CACNA1I: variants seen among roughly 807,000 people sequenced by gnomAD.
The protein encoded by CACNA1I is calcium voltage-gated channel subunit alpha1 I.
CACNA1I carries 74 observed loss-of-function variants against 201.6 expected under a neutral mutation model. The ratio of observed to expected loss-of-function variants is 0.37; its 90% confidence interval spans 0.30 to 0.45. The LOEUF (loss-of-function observed/expected upper bound fraction) is 0.45. Among genes scored for constraint, CACNA1I ranks in the 20% least tolerant of loss-of-function variants. The pLI is 1.00. For synonymous variants in CACNA1I, 1,431 were observed against 1,345.2 expected, an observed-to-expected ratio of 1.06 and a Z score of -1.40; for missense variants, 2,346 against 3,138.1, an observed-to-expected ratio of 0.75 and a Z score of 6.03.
rs1291252515 is a variant in CACNA1I at position 39,685,658 on chromosome 22, G to A, written c.6028-103G>A. On this transcript the variant is annotated intron_variant, in intron 36 of 36. Transcript: ENST00000402142. This position sits in a 1 kb window ranked among gnomAD's most constrained non-coding sequence, Gnocchi z 5.0. Reference sequence around the variant, plus strand: ...AGCCCTGCTCCGAAGGGAGCTCCTTGGATGGGGTCTGCCTGCTGCCTGCTG... The same window carrying A: ...AGCCCTGCTCCGAAGGGAGCTCCTTAGATGGGGTCTGCCTGCTGCCTGCTG... 2.0e-6 allele frequency: 2 copies of A among 1,013,966 alleles called. No individual in the cohort carries two copies. Among genetic ancestry groups the A allele is most frequent in the Non-Finnish European group, 1.3e-6 (1 of 751,430 alleles). 62.8% of individuals were successfully genotyped at this position (1,013,966 alleles called of 1,614,324 possible).
intron 4 of CACNA1I, among the ~76,000 whole-genome samples, chr22:39,632,315 G>C (rs1934087644): frequency 6.6e-6 from 1 of 152,140 alleles, no homozygotes; most frequent in Non-Finnish European, 1.5e-5. Flanking sequence ...GCTCAGAGCT[G>C]ATCGAGGGTT....
intron 3 of CACNA1I, among the ~76,000 whole-genome samples, chr22:39,614,411 G>GT (rs1933471434): frequency 1.3e-5 from 2 of 152,182 alleles, no homozygotes. Context: ...CTGGAGGGAG[G>GT]TCCTCCAAGC....
Position 39,570,802 on chromosome 22 carries a change from CT to C in CACNA1I, c.51del (p.Glu18SerfsTer71). ...TCCTCATCTGCAGCAGCCCCAGCCG[CT>C]GAGCCAGGAGTCACCACGGAGCAGC... Reference protein sequence around the residue: ...PPSSSAAAPAAEPGVTTEQPG... With the variant: ...PPSSSAAAPAXEPGVTTEQPG... On this transcript the variant is annotated frameshift_variant, in exon 1 of 37. Transcript: ENST00000402142. LOFTEE classifies it high-confidence loss of function. 1 of 1,613,268 alleles carries C rather than the reference CT, an allele frequency of 6.2e-7. No individual in the cohort carries two copies. Among genetic ancestry groups the C allele is most frequent in the Non-Finnish European group, 8.5e-7 (1 of 1,179,802 alleles).
chr22:39,686,370 G>A lies in CACNA1I; in HGVS notation c.6637G>A (p.Glu2213Lys). The stretch of plus-strand genomic sequence containing the variant: ...GCCGCAACCGCTCCCCGGAGAGCTG[G>A]AGCCGGGAGACGCCGCCAGCAAGAG... ...PPPQPLPGEL[E>K]PGDAASKRKR The change falls in exon 37 of 37, where the codon GAG becomes AAG. Residue 2213 changes from glutamate (E) to lysine (K), a missense_variant. By Grantham distance (56) the Glu-to-Lys change is moderately conservative. Transcript: ENST00000402142. The A allele has an allele frequency of 2.3e-6, 3 of 1,306,534 alleles. No homozygotes were observed. The highest frequency in any genetic ancestry group is 2.9e-6 in the Non-Finnish European group (3 of 1,025,208). The allele number at this position is 1,306,534 out of a possible 1,614,324, so 80.9% of individuals were successfully genotyped here.
chr22:39,669,251 C>T (rs900403667), intron 24 of CACNA1I, among the ~76,000 whole-genome samples: 5 of 152,164 alleles, frequency 3.3e-5, no homozygotes, highest in African/African-American at 7.2e-5. Flanking sequence ...TGGGTCCCAC[C>T]CAGTAAGGCT....
In CACNA1I at chr22:39,666,108, C is replaced by T; in HGVS notation, c.4104+102C>T. 1 of 1,392,140 alleles carries T rather than the reference C, an allele frequency of 7.2e-7. No individual in the cohort carries two copies. The allele number at this position is 1,392,140 out of a possible 1,614,324, so 86.2% of individuals were successfully genotyped here. ...GCTTGTCTTGCACTGCCAGGACTGA[C>T]ACTGACTTCTCCTCTCCAAGCCTCA... On this transcript the variant is annotated intron_variant, in intron 23 of 36. Transcript: ENST00000402142. This position sits in a 1 kb window ranked among gnomAD's most constrained non-coding sequence, Gnocchi z 4.1.
rs578237852 is a variant in CACNA1I at position 39,666,612 on chromosome 22, T to A, written c.4104+606T>A. Among the ~76,000 whole-genome samples the A allele has an allele frequency of 6.6e-6, 1 of 152,192 alleles. No homozygotes were observed. The highest frequency in any genetic ancestry group is 2.1e-4 in the South Asian group (1 of 4,816). ...AGGTGAGGGCCCTTGGCTGGCTGCC[T>A]CCCCTTCCCTGCTCTCATTTCTCGA... On this transcript the variant is annotated intron_variant, in intron 23 of 36. Coordinates refer to ENST00000402142, the MANE Select transcript of CACNA1I (RefSeq NM_021096.4). This position sits in a 1 kb window ranked among gnomAD's most constrained non-coding sequence, Gnocchi z 4.1.
At chr22:39,592,493 G>A (rs772301034) in intron 1 of CACNA1I, among the ~76,000 whole-genome samples, 2 of 152,162 alleles carry the variant, frequency 1.3e-5, no homozygotes, top group African/African-American at 4.8e-5. Context: ...GCTCTCTAAC[G>A]ACGCTGGCAG....
intron 3 of CACNA1I, 75 bp downstream of exon 3, chr22:39,600,728 G>T: frequency 6.8e-7 from 1 of 1,472,386 alleles, no homozygotes; most frequent in Non-Finnish European, 9.0e-7. Context: ...AGGGCTTCTT[G>T]CTGATGGCGA....
intron 20 of CACNA1I, 107 bp downstream of exon 20, chr22:39,664,266 A>C: frequency 1.1e-6 from 1 of 932,134 alleles, no homozygotes; most frequent in Non-Finnish European, 1.7e-6. Flanking sequence ...GCTTCATTTC[A>C]CTCGTAGCCC....
intron 1 of CACNA1I, 68 bp downstream of exon 1, chr22:39,571,056 C>A (rs762359291): frequency 2.4e-5 from 31 of 1,310,354 alleles, no homozygotes; most frequent in South Asian, 1.1e-4. Flanking sequence ...GGATTGAGTC[C>A]TGCTGCTCAC....
chr22:39,630,541 T>G (rs1934031792), intron 4 of CACNA1I, among the ~76,000 whole-genome samples: 1 of 152,250 alleles, frequency 6.6e-6, no homozygotes. Context: ...TTCAAGGGAC[T>G]GCTTTGTGCC....
At position 39,658,323 on chromosome 22, in the gene CACNA1I, C is replaced by G; in HGVS notation, c.2144+20C>G. 6.2e-7 allele frequency: 1 copy of G among 1,610,808 alleles called. No homozygotes were observed. Among genetic ancestry groups the G allele is most frequent in the Non-Finnish European group, 8.5e-7 (1 of 1,177,710 alleles). On this transcript the variant is annotated intron_variant, in intron 11 of 36. Transcript: ENST00000402142. ...CATCAGGTACCCCTCCCCCAACCCA[C>G]CCGGCAGCAGAGTGCCTCGGGGGGA...
chr22:39,614,400 G>C (rs914928986), intron 3 of CACNA1I, among the ~76,000 whole-genome samples: 2 of 152,244 alleles, frequency 1.3e-5, no homozygotes, highest in Admixed American at 6.5e-5. Flanking sequence ...TCTGGGCTCA[G>C]CTGGAGGGAG....
chr22:39,575,993 T>G (rs1185421342), intron 1 of CACNA1I, among the ~76,000 whole-genome samples: 1 of 152,122 alleles, frequency 6.6e-6, no homozygotes, highest in Admixed American at 6.6e-5. Flanking sequence ...CAGGCTGGTC[T>G]TGAACTCCTG....
At chr22:39,620,787 C>T (rs933934548) in intron 4 of CACNA1I, among the ~76,000 whole-genome samples, 8 of 152,028 alleles carry the variant, frequency 5.3e-5, no homozygotes, top group African/African-American at 1.9e-4. Context: ...CAGCCCGTAG[C>T]TCTGTTGCCC....
At chr22:39,621,992 G>A (rs1387735129) in intron 4 of CACNA1I, among the ~76,000 whole-genome samples, 2 of 152,222 alleles carry the variant, frequency 1.3e-5, no homozygotes, top group Non-Finnish European at 2.9e-5. Context: ...AGAGAGGGTC[G>A]TGGCTAGTCC....
At chr22:39,660,298 A>C in intron 14 of CACNA1I, 46 bp from the exon 15 acceptor site, 26 of 1,426,662 alleles carry the variant, frequency 1.8e-5, no homozygotes, top group Non-Finnish European at 2.4e-5. Flanking sequence ...CTGGGAAGGG[A>C]GGAGCTGGAC....
At chr22:39,635,346 G>A (rs183609551) in intron 5 of CACNA1I, among the ~76,000 whole-genome samples, 15 of 151,928 alleles carry the variant, frequency 9.9e-5, no homozygotes, top group Non-Finnish European at 1.9e-4. Flanking sequence ...AGAAGGGGGG[G>A]GGTCCCTGCC....
Sources: gnomAD v4.1 joint callset for allele counts (sites outside exome capture counted in the v4.1 genomes callset) on GRCh38, gnomAD v4.1.1 for gene constraint, Gnocchi (gnomAD v3.1) non-coding constraint, MANE v1.5 for transcripts, NCBI Gene and HGNC (gene_info 2026-07-23, HGNC 2026-07-21) for gene names.